DCLK2: variants seen among roughly 807,000 people sequenced by gnomAD.
The protein encoded by DCLK2 is serine/threonine-protein kinase DCLK2.
Under a neutral mutation model 78.4 loss-of-function variants are expected in DCLK2, and 31 were observed. The ratio of observed to expected loss-of-function variants is 0.40; its 90% CI spans 0.30 to 0.53. The LOEUF (loss-of-function observed/expected upper bound fraction) is 0.53. Ranked by LOEUF, DCLK2 falls within the 20% of genes least tolerant of loss-of-function variation. The pLI is 0.61. For synonymous variants in DCLK2, 407 were observed against 374.9 expected (o/e 1.09, Z -0.99); for missense variants, 872 against 973.7 (o/e 0.90, Z 1.39).
chr4:150,129,133 C>T (rs957480047), intron 2 of DCLK2, among the ~76,000 whole-genome samples: 2 of 152,146 alleles, frequency 1.3e-5, no homozygotes, highest in Non-Finnish European at 2.9e-5. Flanking sequence ...AAAAGTACTG[C>T]AGTATTTTAC....
chr4:150,140,596 A>C (rs930695329), intron 2 of DCLK2, among the ~76,000 whole-genome samples: 3 of 152,196 alleles, frequency 2.0e-5, no homozygotes, highest in Non-Finnish European at 4.4e-5. Context: ...TGCTCATGAC[A>C]TATCTTACTG....
intron 1 of DCLK2, among the ~76,000 whole-genome samples, chr4:150,089,790 G>C (rs969238728): frequency 6.6e-6 from 1 of 152,196 alleles, no homozygotes; most frequent in African/African-American, 2.4e-5. Flanking sequence ...TATAAAGCTA[G>C]AGATACTCTG....
At chr4:150,150,707 T>A (rs10001645) in intron 2 of DCLK2, among the ~76,000 whole-genome samples, 25,907 of 152,184 alleles carry the variant, frequency 0.17, 2,557 homozygotes, top group Non-Finnish European at 0.23. Context: ...AAACCTGTTT[T>A]CTCCCATGTC....
intron 2 of DCLK2, among the ~76,000 whole-genome samples, chr4:150,153,751 C>G (rs1735063789): frequency 1.3e-5 from 2 of 151,986 alleles, no homozygotes; most frequent in Admixed American, 1.3e-4. Flanking sequence ...TGTATTAGGA[C>G]TCTTTCCTTC....
At chr4:150,211,667 C>G (rs1237918219) in intron 5 of DCLK2, among the ~76,000 whole-genome samples, 1 of 152,146 alleles carries the variant, frequency 6.6e-6, no homozygotes, top group African/African-American at 2.4e-5. Context: ...CTTTGTTCTC[C>G]TTCCAGTCCT....
At chr4:150,162,260 G>A (rs113473060) in intron 2 of DCLK2, among the ~76,000 whole-genome samples, 5 of 152,050 alleles carry the variant, frequency 3.3e-5, no homozygotes, top group African/African-American at 9.6e-5. Context: ...TTGAACTCCT[G>A]GCCTCAAGCA....
chr4:150,250,836 G>A lies in DCLK2; in HGVS notation c.2073+1152G>A, dbSNP rs533998522. Among the ~76,000 whole-genome samples, 15 of 147,582 alleles carry A rather than the reference G, an allele frequency of 1.0e-4. No homozygotes were observed. In the South Asian group the frequency reaches 1.7e-3, roughly 17 times the overall value. ...GGGTCTAGATAGAAGCTATAAGGAAGCCACACACATAACCCACATCCCCAC... is the reference window on the plus strand; with the variant it reads ...GGGTCTAGATAGAAGCTATAAGGAAACCACACACATAACCCACATCCCCAC... On this transcript the variant is annotated intron_variant, in intron 15 of 15. Coordinates refer to ENST00000296550, the MANE Select transcript of DCLK2 (RefSeq NM_001040260.4).
intron 2 of DCLK2, among the ~76,000 whole-genome samples, chr4:150,190,578 G>A (rs1490754213): frequency 6.6e-6 from 1 of 152,160 alleles, no homozygotes; most frequent in Non-Finnish European, 1.5e-5. Flanking sequence ...CCGTATACAT[G>A]AAGTGTCCAG....
chr4:150,151,363 A>G (rs756986052), intron 2 of DCLK2, among the ~76,000 whole-genome samples: 4 of 152,214 alleles, frequency 2.6e-5, no homozygotes, highest in Non-Finnish European at 4.4e-5. Flanking sequence ...AAATCTTCAC[A>G]TCACATATTG....
chr4:150,232,480 TG>T (rs750269953), intron 9 of DCLK2, 24 bp downstream of exon 9: 64 of 1,611,056 alleles, frequency 4.0e-5, no homozygotes, highest in Admixed American at 2.2e-4. Flanking sequence ...GAGATTTTCT[TG>T]GTGCCTAGTC....
At chr4:150,196,612 A>G (rs1264662828) in intron 3 of DCLK2, among the ~76,000 whole-genome samples, 1 of 151,898 alleles carries the variant, frequency 6.6e-6, no homozygotes, top group African/African-American at 2.4e-5. Flanking sequence ...ACCTAATTTA[A>G]CTCTTATAAC....
intron 5 of DCLK2, among the ~76,000 whole-genome samples, chr4:150,204,821 G>A (rs71618341): frequency 6.6e-6 from 1 of 152,014 alleles, no homozygotes; most frequent in Non-Finnish European, 1.5e-5. Flanking sequence ...GCACCCAGGA[G>A]GCAGAGGTTG....
In DCLK2 at chr4:150,198,075, C is replaced by T. The variant is rs181463477; in HGVS notation, c.933C>T (p.Pro311=). Residue 311 remains proline (P), a synonymous_variant, in exon 4 of 16, where the codon CCC becomes CCT. Transcript: ENST00000296550. ...VKYSGSKSPG[P]SRRSKSPASV... is the part of the protein sequence containing the mutation. ...ATTCTGGATCCAAAAGCCCTGGGCC[C>T]TCTCGACGCAGCAAATCACCAGCTT... 90 of 1,613,758 alleles carry T rather than the reference C, an allele frequency of 5.6e-5. 1 individual carries two copies. In the East Asian group the frequency reaches 1.3e-3, roughly 24 times the overall value.
chr4:150,116,070 C>A (rs921277245), intron 2 of DCLK2, among the ~76,000 whole-genome samples: 10 of 152,178 alleles, frequency 6.6e-5, no homozygotes, highest in African/African-American at 2.4e-4. Context: ...CTATTCAGAT[C>A]AGACAGGCAC....
chr4:150,224,287 G>T (rs537832909), intron 7 of DCLK2, among the ~76,000 whole-genome samples: 1 of 151,980 alleles, frequency 6.6e-6, no homozygotes, highest in East Asian at 1.9e-4. Flanking sequence ...ACAGGAATGG[G>T]CCAGGTGTGG....
At chr4:150,201,185 A>G (rs896396791) in intron 4 of DCLK2, among the ~76,000 whole-genome samples, 1 of 152,208 alleles carries the variant, frequency 6.6e-6, no homozygotes, top group South Asian at 2.1e-4. Flanking sequence ...CAAAGAAAAC[A>G]AAAAAGCCCC....
chr4:150,149,762 T>C (rs2150226958), intron 2 of DCLK2, among the ~76,000 whole-genome samples: 1 of 152,328 alleles, frequency 6.6e-6, no homozygotes, highest in South Asian at 2.1e-4. Context: ...TGGAATTGTG[T>C]TTAATACATA....
At chr4:150,208,571 A>G (rs1479187155) in intron 5 of DCLK2, among the ~76,000 whole-genome samples, 1 of 152,040 alleles carries the variant, frequency 6.6e-6, no homozygotes, top group Non-Finnish European at 1.5e-5. Context: ...CTCCACAGGA[A>G]AAAGGGTTGA....
At chr4:150,190,240 T>TAGAC (rs1553966424) in intron 2 of DCLK2, among the ~76,000 whole-genome samples, 2 of 35,688 alleles carry the variant, frequency 5.6e-5, no homozygotes, top group Non-Finnish European at 9.0e-5. Flanking sequence ...GATAGTTAGA[T>TAGAC]AGATAGATAG....
Sources: allele counts gnomAD v4.1 joint callset (sites outside exome capture counted in the v4.1 genomes callset), GRCh38; gene constraint gnomAD v4.1.1; transcripts MANE v1.5; gene names NCBI Gene and HGNC (gene_info 2026-07-23, HGNC 2026-07-21).